The following FGD5 variants were observed in gnomAD, a reference collection of about 807,000 sequenced individuals.
FGD5 encodes the protein FYVE, RhoGEF and PH domain containing 5, also known as FYVE, RhoGEF and PH domain-containing protein 5.
FGD5 carries 28 observed loss-of-function variants against 133.4 expected under a neutral mutation model. The ratio of observed to expected loss-of-function variants is 0.21; its 90% CI spans 0.16 to 0.29. The LOEUF (loss-of-function observed/expected upper bound fraction) is 0.29. Among genes scored for constraint, FGD5 ranks in the 10% least tolerant of loss-of-function variants. The pLI is 1.00. For missense variants in FGD5, 1,858 were observed against 1,895.2 expected (o/e 0.98, Z 0.36); for synonymous variants, 810 against 776.5 (o/e 1.04, Z -0.72).
chr3:14,923,531 G>T (rs2038728251), intron 16 of FGD5, among the ~76,000 whole-genome samples: 1 of 152,072 alleles, frequency 6.6e-6, no homozygotes, highest in Non-Finnish European at 1.5e-5. Context: ...GACTATATAA[G>T]CGTGGCAGCA....
At chr3:14,927,074 G>A (rs751371709) in intron 18 of FGD5, among the ~76,000 whole-genome samples, 1 of 152,162 alleles carries the variant, frequency 6.6e-6, no homozygotes, top group Non-Finnish European at 1.5e-5. Flanking sequence ...CACAGAGGAT[G>A]GCTTTCTAGA....
intron 1 of FGD5, among the ~76,000 whole-genome samples, chr3:14,841,915 G>A (rs1477917417): frequency 6.6e-6 from 1 of 152,176 alleles, no homozygotes; most frequent in African/African-American, 2.4e-5. Flanking sequence ...TCTTTCCAGC[G>A]AGGACTCAGG....
chr3:14,816,321 A>C (rs74749087), upstream of FGD5, among the ~76,000 whole-genome samples: 1 of 152,152 alleles, frequency 6.6e-6, no homozygotes, highest in Non-Finnish European at 1.5e-5. Flanking sequence ...CTGCCACCCA[A>C]TGTTGACAGT....
Position 14,864,271 on chromosome 3 carries a change from C to G in FGD5, c.2658+11C>G. On this transcript the variant is annotated intron_variant, in intron 2 of 19. Transcript: ENST00000285046. ...AGTGTCACCCACAAGGTAGGGCACC[C>G]CACAGGTAGGCCGTGGGCATCGGAG... 6.2e-7 allele frequency: 1 copy of G among 1,613,820 alleles called. No homozygotes were observed. The highest frequency in any genetic ancestry group is 8.5e-7 in the Non-Finnish European group (1 of 1,179,776).
chr3:14,903,910 C>T (rs1389742913), intron 9 of FGD5, among the ~76,000 whole-genome samples: 2 of 152,052 alleles, frequency 1.3e-5, no homozygotes, highest in African/African-American at 4.8e-5. Flanking sequence ...TCTCATTTTC[C>T]TTGCTTTTGA....
chr3:14,821,600 C>A lies in FGD5; in HGVS notation c.2525+4C>A, dbSNP rs371350644. On this transcript the variant is annotated splice_donor_region_variant and intron_variant, in intron 1 of 19. Transcript: ENST00000285046. ...GTGCAGACCAGGACGCAGAAAGGTA[C>A]CTGACATTCTATTTCCTTTCTTGTT... The A allele has an allele frequency of 6.4e-7, 1 of 1,574,238 alleles. No individual in the cohort carries two copies.
chr3:14,821,283 A>G lies in FGD5; in HGVS notation c.2212A>G (p.Thr738Ala). 1 of 1,613,964 alleles carries G rather than the reference A, an allele frequency of 6.2e-7. No individual in the cohort carries two copies. The highest frequency in any genetic ancestry group is 8.5e-7 in the Non-Finnish European group (1 of 1,179,894). Residue 738 changes from threonine (T) to alanine (A), a missense_variant, in exon 1 of 20, where the codon ACG (threonine) becomes GCG (alanine). Physicochemically the swap from Thr to Ala is moderately conservative, Grantham distance 58 (BLOSUM62 0). Around this residue, in one of 3 missense-constraint regions of FGD5, gnomAD observed 1,824 missense variants for 1,848.9 expected, o/e 0.99. Coordinates refer to ENST00000285046, the MANE Select transcript of FGD5 (RefSeq NM_152536.4). ...GAGGAAAGGTGTCCCCTTCAGCAGG[A>G]CGGTGTCCAGAGTGGAGTCCTTTGA... ...GKRKGVPFSR[T>A]VSRVESFEDR... is the part of the protein sequence containing the mutation.
upstream of FGD5, among the ~76,000 whole-genome samples, chr3:14,814,488 G>A (rs2036339935): frequency 6.6e-6 from 1 of 152,104 alleles, no homozygotes; most frequent in African/African-American, 2.4e-5. Flanking sequence ...TTGTGATGCG[G>A]GTGAGTAGGA....
intron 7 of FGD5, 29 bp downstream of exon 7, chr3:14,898,855 TG>T: frequency 7.7e-6 from 12 of 1,553,382 alleles, no homozygotes; most frequent in Non-Finnish European, 9.6e-6. Flanking sequence ...CAATGGGGAC[TG>T]AGGCGGCAGG....
intron 11 of FGD5, among the ~76,000 whole-genome samples, chr3:14,913,716 A>G (rs2038495886): frequency 6.6e-6 from 1 of 152,142 alleles, no homozygotes. Context: ...AATGCCAGGA[A>G]CAGACACAAC....
chr3:14,869,219 G>A (rs553547183), intron 2 of FGD5, among the ~76,000 whole-genome samples: 19 of 152,188 alleles, frequency 1.2e-4, no homozygotes, highest in African/African-American at 3.6e-4. Context: ...GCTTGAATCC[G>A]GGAGGCAGAG....
At chr3:14,864,565 C>T (rs550329935) in intron 2 of FGD5, among the ~76,000 whole-genome samples, 9 of 152,324 alleles carry the variant, frequency 5.9e-5, no homozygotes, top group African/African-American at 1.7e-4. Flanking sequence ...GAAGACCAGC[C>T]TAGCTTCTAA....
chr3:14,896,852 CA>C (rs2038148885), intron 4 of FGD5: 1 of 152,146 alleles, frequency 6.6e-6, no homozygotes. Flanking sequence ...AAAATAGAAA[CA>C]AGAAGATTCA....
intron 1 of FGD5, among the ~76,000 whole-genome samples, chr3:14,844,242 A>G (rs1289455469): frequency 2.1e-5 from 1 of 48,070 alleles, no homozygotes; most frequent in Non-Finnish European, 3.9e-5. Flanking sequence ...ATATATATAT[A>G]TATATATATA....
intron 1 of FGD5, among the ~76,000 whole-genome samples, chr3:14,863,328 A>G (rs1158985781): frequency 6.6e-6 from 1 of 152,230 alleles, no homozygotes; most frequent in Non-Finnish European, 1.5e-5. Flanking sequence ...TCTGCTGTGT[A>G]GAGAGAAGGG....
At chr3:14,824,872 G>A (rs2036572707) in intron 1 of FGD5, among the ~76,000 whole-genome samples, 1 of 152,200 alleles carries the variant, frequency 6.6e-6, no homozygotes, top group Admixed American at 6.5e-5. Flanking sequence ...AGACTAGCTT[G>A]AGGTGATTCC....
chr3:14,823,205 T>C (rs1038208850), intron 1 of FGD5, among the ~76,000 whole-genome samples: 6 of 152,136 alleles, frequency 3.9e-5, no homozygotes, highest in African/African-American at 1.2e-4. Context: ...GAGTGCCTCC[T>C]AGCACTGAGG....
At chr3:14,860,188 C>T (rs995048601) in intron 1 of FGD5, among the ~76,000 whole-genome samples, 5 of 152,316 alleles carry the variant, frequency 3.3e-5, no homozygotes, top group African/African-American at 9.6e-5. Context: ...CACATTTTGA[C>T]ACCCCTAGGT....
At chr3:14,811,392 A>C (rs1294381894) in intron 1 of FGD5, 1 of 152,018 alleles carries the variant, frequency 6.6e-6, no homozygotes, top group African/African-American at 2.4e-5. Flanking sequence ...CTCTCCTCCT[A>C]GACCCCGAGG....
Sources: gnomAD v4.1 joint callset for allele counts (sites outside exome capture counted in the v4.1 genomes callset) on GRCh38, gnomAD v4.1.1 for gene constraint, gnomAD v4.1.1 regional missense constraint, MANE v1.5 for transcripts, NCBI Gene and HGNC (gene_info 2026-07-23, HGNC 2026-07-21) for gene names.